Variants in SAP30BP observed in about 807,000 individuals in gnomAD.
SAP30BP encodes the protein SAP30-binding protein.
SAP30BP carries 31 observed loss-of-function variants against 46.3 expected under a neutral mutation model. The ratio of observed to expected loss-of-function variants is 0.67; its 90% confidence interval spans 0.50 to 0.90. The LOEUF (loss-of-function observed/expected upper bound fraction) is 0.90, where lower values mean the gene tolerates loss of function less well. Among genes scored for constraint, SAP30BP ranks in the 40% least tolerant of loss-of-function variants. SAP30BP has a pLI of 0.00. For missense variants in SAP30BP, 312 were observed against 391.0 expected (o/e 0.80, Z 1.70); for synonymous variants, 169 against 144.2 (o/e 1.17, Z -1.23).
chr17:75,705,868 C>A lies in SAP30BP; in HGVS notation c.661-140C>A. On this transcript the variant is annotated intron_variant, in intron 9 of 10. Transcript: ENST00000584667. Reference sequence around the variant, plus strand: ...TTCTTCTTAGACATCTCGCCCTACCCCAGATGGGCAGAGCAGAGTTCATTT... The same window carrying A: ...TTCTTCTTAGACATCTCGCCCTACCACAGATGGGCAGAGCAGAGTTCATTT... 2.3e-6 allele frequency: 3 copies of A among 1,285,980 alleles called. No individual in the cohort carries two copies. In the Admixed American group the frequency reaches 6.5e-5, roughly 28 times the overall value. The allele number at this position is 1,285,980 out of a possible 1,614,324, so 79.7% of individuals were successfully genotyped here.
At chr17:75,669,402 G>A (rs1422257181) in intron 2 of SAP30BP, among the ~76,000 whole-genome samples, 2 of 151,780 alleles carry the variant, frequency 1.3e-5, no homozygotes, top group Admixed American at 6.6e-5. Flanking sequence ...CTGCCATCAC[G>A]CCTGGCTAAT....
intron 3 of SAP30BP, among the ~76,000 whole-genome samples, chr17:75,682,437 G>A (rs946577996): frequency 3.3e-5 from 5 of 151,918 alleles, no homozygotes; most frequent in African/African-American, 9.7e-5. Flanking sequence ...CACCTGCCTC[G>A]GCCTCCCAAA....
intron 3 of SAP30BP, among the ~76,000 whole-genome samples, chr17:75,688,978 G>A (rs1251558630): frequency 2.0e-5 from 3 of 152,210 alleles, no homozygotes; most frequent in African/African-American, 7.2e-5. Flanking sequence ...TCCTGCTCTG[G>A]TTGTTGGGCC....
intron 3 of SAP30BP, among the ~76,000 whole-genome samples, chr17:75,682,849 G>T (rs2060101518): frequency 6.6e-6 from 1 of 150,916 alleles, no homozygotes; most frequent in Non-Finnish European, 1.5e-5. Context: ...TGTAATCCCA[G>T]CTACTCAGGA....
intron 2 of SAP30BP, 69 bp downstream of exon 2, chr17:75,668,694 C>T (rs2059852377): frequency 9.9e-7 from 1 of 1,012,128 alleles, no homozygotes; most frequent in Non-Finnish European, 1.5e-6. Flanking sequence ...GGAACTGTGC[C>T]AACAGTGTTC....
intron 3 of SAP30BP, among the ~76,000 whole-genome samples, chr17:75,680,303 A>T (rs572978392): frequency 5.9e-5 from 9 of 152,176 alleles, no homozygotes; most frequent in African/African-American, 2.2e-4. Context: ...GGCATTTTTT[A>T]AAAAGGCGTG....
intron 3 of SAP30BP, among the ~76,000 whole-genome samples, chr17:75,674,435 C>G (rs2059952978): frequency 6.6e-6 from 1 of 151,910 alleles, no homozygotes. Context: ...GCTGGGATTA[C>G]AGGTGTGAGC....
At chr17:75,691,428 G>A (rs557424064) in intron 3 of SAP30BP, 1 of 456,638 alleles carries the variant, frequency 2.2e-6, no homozygotes, top group South Asian at 1.5e-5. Flanking sequence ...GAGCCTGGCA[G>A]CACACACACC....
chr17:75,678,991 GTT>G (rs1008252984), intron 3 of SAP30BP, among the ~76,000 whole-genome samples: 34 of 134,430 alleles, frequency 2.5e-4, no homozygotes, highest in African/African-American at 5.4e-4. Context: ...TTTCAGGCAA[GTT>G]TTTTTTTTTT....
In SAP30BP at chr17:75,703,792, G is replaced by T; in HGVS notation, c.550-16G>T. ...GAGTCATTTGTCATCTGAGTCATTC[G>T]CCTTTTCCTTTGCAGGATATGTTTG... On this transcript the variant is annotated splice_polypyrimidine_tract_variant and intron_variant, in intron 7 of 10. Transcript: ENST00000584667. The T allele has an allele frequency of 6.2e-7, 1 of 1,611,100 alleles. No individual in the cohort carries two copies. The highest frequency in any genetic ancestry group is 8.5e-7 in the Non-Finnish European group (1 of 1,177,236).
chr17:75,686,775 TGG>T (rs1416517108), intron 3 of SAP30BP, among the ~76,000 whole-genome samples: 2 of 152,048 alleles, frequency 1.3e-5, no homozygotes, highest in East Asian at 3.9e-4. Context: ...GGCTCTCCAG[TGG>T]GGGTGGCTGG....
At position 75,705,924 on chromosome 17, in the gene SAP30BP, C is replaced by T. The variant is rs1334199232; in HGVS notation, c.661-84C>T. The T allele has an allele frequency of 2.5e-6, 4 of 1,582,738 alleles. No individual in the cohort carries two copies. The Admixed American group carries it at 6.7e-5, about 27-fold the overall frequency. Reference sequence around the variant, plus strand: ...GCCTCTTTTGTGTAGTGCCAAGCTCCTGTCCCCCAGGAGCTGACGGATGGC... The same window carrying T: ...GCCTCTTTTGTGTAGTGCCAAGCTCTTGTCCCCCAGGAGCTGACGGATGGC... On this transcript the variant is annotated intron_variant, in intron 9 of 10. Coordinates refer to ENST00000584667, the MANE Select transcript of SAP30BP (RefSeq NM_013260.8).
At chr17:75,668,848 A>C (rs1413410470) in intron 2 of SAP30BP, among the ~76,000 whole-genome samples, 1 of 152,196 alleles carries the variant, frequency 6.6e-6, no homozygotes, top group African/African-American at 2.4e-5. Flanking sequence ...TTTGGGGGAA[A>C]AGATAGTGGA....
In SAP30BP at chr17:75,705,993, C is replaced by T. The variant is rs375817265; in HGVS notation, c.661-15C>T. The T allele has an allele frequency of 1.2e-6, 2 of 1,612,140 alleles. No homozygotes were observed. Among genetic ancestry groups the T allele is most frequent in the Non-Finnish European group, 1.7e-6 (2 of 1,179,926 alleles). ...AGCTTTGCCTGGTCTTATTCTCTTCCCTCTCCCTCTCCAGATTGAGTTTGT... is the reference window on the plus strand; with the variant it reads ...AGCTTTGCCTGGTCTTATTCTCTTCTCTCTCCCTCTCCAGATTGAGTTTGT... On this transcript the variant is annotated splice_polypyrimidine_tract_variant and intron_variant, in intron 9 of 10. Coordinates refer to ENST00000584667, the MANE Select transcript of SAP30BP (RefSeq NM_013260.8).
chr17:75,704,726 C>G, intron 8 of SAP30BP, 30 bp from the exon 9 acceptor site: 1 of 1,593,860 alleles, frequency 6.3e-7, no homozygotes, highest in Non-Finnish European at 8.6e-7. Context: ...TCGGGGGCCA[C>G]CTTTGTAACA....
At position 75,706,383 on chromosome 17, in the gene SAP30BP, GACA is replaced by G. The variant is rs748111320; in HGVS notation, c.792_794del (p.Thr265del). ...GCAAGTGGGATTCGGCTATCCCAGT[GACA>G]ACGATAGCCCAGCCCACCATCCTCA... On this transcript the variant is annotated inframe_deletion, in exon 11 of 11. Transcript: ENST00000584667. This position sits in a 1 kb window ranked among gnomAD's most constrained non-coding sequence, Gnocchi z 4.6. 2 of 1,613,922 alleles carry G rather than the reference GACA, an allele frequency of 1.2e-6. No homozygotes were observed. Among genetic ancestry groups the G allele is most frequent in the Non-Finnish European group, 1.7e-6 (2 of 1,180,030 alleles).
intron 5 of SAP30BP, 118 bp from the exon 6 acceptor site, chr17:75,702,361 CT>C (rs2060425372): frequency 1.9e-6 from 1 of 533,448 alleles, no homozygotes; most frequent in Non-Finnish European, 3.5e-6. Context: ...TCAAGTTGGG[CT>C]TTGCCTGACT....
chr17:75,669,071 T>C (rs542645029), intron 2 of SAP30BP, among the ~76,000 whole-genome samples: 11 of 150,360 alleles, frequency 7.3e-5, no homozygotes, highest in Non-Finnish European at 1.5e-4. Flanking sequence ...TCACCTGCTT[T>C]TTCTTTTCTT....
At chr17:75,703,997 C>A in intron 8 of SAP30BP, 138 bp downstream of exon 8, 1 of 736,086 alleles carries the variant, frequency 1.4e-6, no homozygotes, top group Non-Finnish European at 2.4e-6. Context: ...TGGGTACAGG[C>A]CTGAATGAGA....
Sources: gnomAD v4.1 joint callset for allele counts (sites outside exome capture counted in the v4.1 genomes callset) on GRCh38, gnomAD v4.1.1 for gene constraint, Gnocchi (gnomAD v3.1) non-coding constraint, MANE v1.5 for transcripts, NCBI Gene and HGNC (gene_info 2026-07-23, HGNC 2026-07-21) for gene names.